Variants in ASTN1 observed in about 807,000 individuals in gnomAD.
The protein encoded by ASTN1 is astrotactin 1.
Under a neutral mutation model 140.7 loss-of-function variants are expected in ASTN1, and 41 were observed. The ratio of observed to expected loss-of-function variants is 0.29; its 90% confidence interval spans 0.23 to 0.38. ASTN1 has a LOEUF of 0.38. Ranked by LOEUF, ASTN1 falls within the 10% of genes least tolerant of loss-of-function variation. The probability of loss-of-function intolerance (pLI) is 1.00; values close to 1 mark genes in which losing one functional copy is unlikely to be tolerated. For missense variants in ASTN1, 1,479 were observed against 1,678.8 expected (o/e 0.88, Z 2.08); for synonymous variants, 640 against 652.2 (o/e 0.98, Z 0.29).
chr1:177,058,836 C>A (rs1677937057), intron 2 of ASTN1, among the ~76,000 whole-genome samples: 1 of 151,362 alleles, frequency 6.6e-6, no homozygotes, highest in East Asian at 2.0e-4. Flanking sequence ...CAAACACACA[C>A]ACACACACAT....
intron 2 of ASTN1, among the ~76,000 whole-genome samples, chr1:177,043,288 A>G (rs575399921): frequency 2.0e-5 from 3 of 152,312 alleles, no homozygotes; most frequent in South Asian, 2.1e-4. Context: ...ATAACAACAC[A>G]CATATAAACA....
chr1:176,920,996 G>A (rs962128270), intron 16 of ASTN1, among the ~76,000 whole-genome samples: 1 of 152,210 alleles, frequency 6.6e-6, no homozygotes, highest in Non-Finnish European at 1.5e-5. Context: ...AGAGAGAGAA[G>A]TTAATCAGAT....
At chr1:176,962,581 A>G (rs1011975895) in intron 9 of ASTN1, among the ~76,000 whole-genome samples, 2 of 152,222 alleles carry the variant, frequency 1.3e-5, no homozygotes, top group African/African-American at 4.8e-5. Context: ...AATAATTGAC[A>G]AATACATATT....
chr1:176,971,379 A>T (rs980806980), intron 8 of ASTN1, among the ~76,000 whole-genome samples: 3 of 152,216 alleles, frequency 2.0e-5, no homozygotes, highest in Admixed American at 2.0e-4. Context: ...TCCCTAGATT[A>T]TCTGGTAAAC....
At chr1:176,882,743 A>G (rs1668857827) in intron 20 of ASTN1, 116 bp downstream of exon 20, 1 of 1,414,154 alleles carries the variant, frequency 7.1e-7, no homozygotes, top group Admixed American at 1.9e-5. Flanking sequence ...ATAAGACTTC[A>G]GAGACTCAAC....
At chr1:177,134,068 C>A (rs1215162377) in intron 1 of ASTN1, among the ~76,000 whole-genome samples, 2 of 152,194 alleles carry the variant, frequency 1.3e-5, no homozygotes, top group South Asian at 4.1e-4. Context: ...GGGCACAGAT[C>A]TCTGGATCCA....
chr1:177,090,983 G>T (rs1679721078), intron 1 of ASTN1, among the ~76,000 whole-genome samples: 1 of 152,048 alleles, frequency 6.6e-6, no homozygotes, highest in Admixed American at 6.6e-5. Context: ...AAGCTGAAGG[G>T]TAACATGCAT....
chr1:176,914,433 CA>C (rs1299695021), intron 16 of ASTN1, among the ~76,000 whole-genome samples: 3 of 152,300 alleles, frequency 2.0e-5, no homozygotes, highest in East Asian at 1.9e-4. Flanking sequence ...GTCAAAGAAA[CA>C]GAGGTGAAGG....
chr1:176,888,047 TGAAA>T lies in ASTN1; in HGVS notation c.3074+20_3074+23del. Reference sequence around the variant, plus strand: ...TCATTATCTGTTTCCAGAGTAATGCTGAAAGAGAGAAAGAGAACCATACACAGGC... The same window carrying T: ...TCATTATCTGTTTCCAGAGTAATGCTGAGAGAAAGAGAACCATACACAGGC... On this transcript the variant is annotated intron_variant, in intron 18 of 22. Coordinates refer to ENST00000361833, the MANE Select transcript of ASTN1 (RefSeq NM_004319.3). 6.2e-7 allele frequency: 1 copy of T among 1,613,742 alleles called. No homozygotes were observed. Among genetic ancestry groups the T allele is most frequent in the East Asian group, 2.2e-5 (1 of 44,862 alleles).
At chr1:177,068,731 T>C (rs1406532770) in intron 1 of ASTN1, among the ~76,000 whole-genome samples, 1 of 152,138 alleles carries the variant, frequency 6.6e-6, no homozygotes, top group African/African-American at 2.4e-5. Flanking sequence ...TTTTTCTGTA[T>C]GGCACCTGGA....
At chr1:176,969,671 T>G (rs1673051218) in intron 8 of ASTN1, among the ~76,000 whole-genome samples, 3 of 152,156 alleles carry the variant, frequency 2.0e-5, no homozygotes, top group Admixed American at 2.0e-4. Context: ...TGGTGTCAGG[T>G]CAGATGTGGG....
At chr1:177,077,866 G>A (rs192488940) in intron 1 of ASTN1, among the ~76,000 whole-genome samples, 1 of 152,244 alleles carries the variant, frequency 6.6e-6, no homozygotes, top group African/African-American at 2.4e-5. Context: ...CTGTGGGATG[G>A]GCAGTGATCC....
chr1:177,044,085 G>T (rs896566309), intron 2 of ASTN1, among the ~76,000 whole-genome samples: 2 of 151,646 alleles, frequency 1.3e-5, no homozygotes, highest in African/African-American at 4.8e-5. Flanking sequence ...GCAGCATATT[G>T]TCTTTAGCTA....
chr1:177,044,072 C>A (rs1677097126), intron 2 of ASTN1, among the ~76,000 whole-genome samples: 1 of 152,056 alleles, frequency 6.6e-6, no homozygotes, highest in South Asian at 2.1e-4. Context: ...AGCTCCAACA[C>A]CAGCAGCATA....
chr1:177,023,226 T>C (rs1675915144), intron 7 of ASTN1, among the ~76,000 whole-genome samples, 178 bp downstream of exon 7: 1 of 152,104 alleles, frequency 6.6e-6, no homozygotes, highest in East Asian at 1.9e-4. Context: ...TGCCAGAAAA[T>C]GACCACAGTT....
At chr1:176,917,911 A>C (rs923107592) in intron 16 of ASTN1, among the ~76,000 whole-genome samples, 3 of 152,170 alleles carry the variant, frequency 2.0e-5, no homozygotes, top group African/African-American at 7.2e-5. Flanking sequence ...GGCGAGAAAA[A>C]CAGTATATGT....
intron 1 of ASTN1, among the ~76,000 whole-genome samples, chr1:177,101,485 C>A (rs1311804706): frequency 6.6e-6 from 1 of 152,154 alleles, no homozygotes; most frequent in Admixed American, 6.5e-5. Flanking sequence ...GGTAGCTTTA[C>A]ATAAAATTTA....
In ASTN1 at chr1:176,887,012, T is replaced by C. The variant is rs1204480350; in HGVS notation, c.3074+1059A>G. ...TTGGCCAGTTCTGTTTCGTCTTCCA[T>C]TGAGGGGAAGGAAATTGGGCATGTC... On this transcript the variant is annotated intron_variant, in intron 18 of 22. Transcript: ENST00000361833. Among the ~76,000 whole-genome samples, 4 of 152,220 alleles carry C rather than the reference T, an allele frequency of 2.6e-5. No individual in the cohort carries two copies. The South Asian group carries it at 6.2e-4, about 24-fold the overall frequency.
At chr1:176,947,856 G>T (rs910134049) in intron 12 of ASTN1, among the ~76,000 whole-genome samples, 3 of 152,132 alleles carry the variant, frequency 2.0e-5, no homozygotes, top group Non-Finnish European at 4.4e-5. Context: ...GACACCCAGG[G>T]TTCTCTGTGC....
Sources: gnomAD v4.1 joint callset for allele counts (sites outside exome capture counted in the v4.1 genomes callset) on GRCh38, gnomAD v4.1.1 for gene constraint, MANE v1.5 for transcripts, NCBI Gene and HGNC (gene_info 2026-07-23, HGNC 2026-07-21) for gene names.